The following AREL1 variants were observed in gnomAD, a reference collection of about 807,000 sequenced individuals.
The protein encoded by AREL1 is apoptosis resistant E3 ubiquitin protein ligase 1, also known as apoptosis-resistant E3 ubiquitin protein ligase 1.
In AREL1, 62 loss-of-function variants were observed where a neutral mutation model predicts 99.0. That is an observed-to-expected ratio of 0.63 (90% CI 0.51 to 0.77). AREL1 has a LOEUF of 0.77. AREL1 is among the 30% of genes least tolerant of loss of function. The pLI is 0.00. For synonymous variants in AREL1, 380 were observed against 376.5 expected (o/e 1.01, Z -0.11); for missense variants, 879 against 1,027.6 (o/e 0.86, Z 1.98).
chr14:74,676,229 G>T lies in AREL1; in HGVS notation c.744C>A (p.Thr248=). 6.2e-7 allele frequency: 1 copy of T among 1,614,076 alleles called. No homozygotes were observed. Among genetic ancestry groups the T allele is most frequent in the South Asian group, 1.1e-5 (1 of 91,072 alleles). Residue 248 remains threonine, a synonymous_variant, in exon 7 of 20, where the codon ACC becomes ACA. Coordinates refer to ENST00000356357, the MANE Select transcript of AREL1 (RefSeq NM_001039479.2). The part of the protein sequence containing the change: ...RQTFQVFLRL[T]LHSRGCFHAC... ...CATGGAAGCAGCCTCGAGAATGCAG[G>T]GTGAGTCGCAAGAACACCTGGAAAG...
intron 6 of AREL1, 109 bp downstream of exon 6, chr14:74,676,474 A>G: frequency 6.9e-7 from 1 of 1,439,170 alleles, no homozygotes; most frequent in Non-Finnish European, 9.5e-7. Flanking sequence ...TACAGACAGC[A>G]CAGAAGTCAA....
rs773540091 is a variant in AREL1 at position 74,676,744 on chromosome 14, C to G, written c.490G>C (p.Val164Leu). 1 of 1,593,128 alleles carries G rather than the reference C, an allele frequency of 6.3e-7. No individual in the cohort carries two copies. The highest frequency in any genetic ancestry group is 1.8e-5 in the Admixed American group (1 of 56,376). The change falls in exon 6 of 20, where the codon GTT becomes CTT. Residue 164 changes from valine to leucine, a missense_variant. Transcript: ENST00000356357. ...CACACAATTTTGGTCTTAGAAGGAA[C>G]CACCATTCCTGGAACAAAGACAATG... Reference protein sequence around the residue: ...YYKIFQPGMVVPSKTKIVCHF... With the variant: ...YYKIFQPGMVLPSKTKIVCHF...
At chr14:74,694,384 T>G (rs2089940537) in intron 1 of AREL1, among the ~76,000 whole-genome samples, 1 of 152,108 alleles carries the variant, frequency 6.6e-6, no homozygotes, top group African/African-American at 2.4e-5. Context: ...AGGGAAATGC[T>G]TACAAATAAA....
chr14:74,679,099 T>C (rs2089566880), intron 5 of AREL1, among the ~76,000 whole-genome samples: 2 of 152,176 alleles, frequency 1.3e-5, no homozygotes, highest in Admixed American at 1.3e-4. Context: ...GAGGTCTCAC[T>C]ATGTTGCCCA....
intron 1 of AREL1, among the ~76,000 whole-genome samples, chr14:74,712,321 T>A (rs2090327889): frequency 6.6e-6 from 1 of 151,982 alleles, no homozygotes; most frequent in African/African-American, 2.4e-5. Flanking sequence ...GGCTTCAGAG[T>A]CCACCAATCT....
chr14:74,664,042 A>G lies in AREL1; in HGVS notation c.2226T>C (p.Ser742=), dbSNP rs748325871. 18 of 1,613,936 alleles carry G rather than the reference A, an allele frequency of 1.1e-5. No homozygotes were observed. Among genetic ancestry groups the G allele is most frequent in the Non-Finnish European group, 1.5e-5 (18 of 1,179,976 alleles). The change falls in exon 19 of 20, where the codon AGT becomes AGC. Residue 742 remains serine, a synonymous_variant. Transcript: ENST00000356357. ...GCCGAGCCAACTCCTCCTGGGTCAG[A>G]CTGGAAACCACAGTCCAAAACCACC... The part of the protein sequence containing the change: ...VMRWFWTVVS[S]LTQEELARLL...
Position 74,671,597 on chromosome 14 carries a change from A to G in AREL1, c.1423-114T>C, listed in dbSNP as rs141764128. 5.1e-5 allele frequency: 29 copies of G among 572,770 alleles called. No homozygotes were observed. The African/African-American group carries it at 5.3e-4, about 10-fold the overall frequency. The allele number at this position is 572,770 out of a possible 1,614,324, so 35.5% of individuals were successfully genotyped here. On this transcript the variant is annotated intron_variant, in intron 11 of 19. Coordinates refer to ENST00000356357, the MANE Select transcript of AREL1 (RefSeq NM_001039479.2). ...TGCTGGACTAACTACGACTGCCTGA[A>G]GGAGATATGTTACTCATAAACAAGC...
rs148443518 is a variant in AREL1, at chr14:74,663,301, A to C, written c.*419T>G. On this transcript the variant is annotated 3_prime_UTR_variant, in exon 20 of 20. Coordinates refer to ENST00000356357, the MANE Select transcript of AREL1 (RefSeq NM_001039479.2). ...AAGGACTCAAGTACCAGTCTGGTCAAGTAGTGAGGGCCAAAGAGGGTGTCT... is the reference window on the plus strand; with the variant it reads ...AAGGACTCAAGTACCAGTCTGGTCACGTAGTGAGGGCCAAAGAGGGTGTCT... 3.8e-4 allele frequency: 96 copies of C among 252,310 alleles called. No individual in the cohort carries two copies. Among genetic ancestry groups the C allele is most frequent in the Non-Finnish European group, 5.9e-4 (74 of 125,442 alleles). The allele number at this position is 252,310 out of a possible 1,614,324, so 15.6% of individuals were successfully genotyped here.
intron 5 of AREL1, among the ~76,000 whole-genome samples, chr14:74,677,460 C>T (rs2089513094): frequency 6.7e-6 from 1 of 149,614 alleles, no homozygotes; most frequent in Non-Finnish European, 1.5e-5. Context: ...CACACCATTG[C>T]ATTCTAGCCT....
rs1022643276 is a variant in AREL1, at chr14:74,663,068, T to C, written c.*652A>G. 1.2e-5 allele frequency: 2 copies of C among 161,042 alleles called. No homozygotes were observed. Among genetic ancestry groups the C allele is most frequent in the African/African-American group, 4.8e-5 (2 of 41,794 alleles). The allele number at this position is 161,042 out of a possible 1,614,324, so 10.0% of individuals were successfully genotyped here. On this transcript the variant is annotated 3_prime_UTR_variant, in exon 20 of 20. Transcript: ENST00000356357. ...TACAGAGTTCTTCTTTGTGGATTAA[T>C]AATCATTTCCAGAAATGCCCGAAGG... is the stretch of plus-strand genomic sequence containing the variant.
intron 12 of AREL1, among the ~76,000 whole-genome samples, 158 bp downstream of exon 12, chr14:74,671,250 G>A (rs572245471): frequency 2.0e-5 from 3 of 147,270 alleles, no homozygotes; most frequent in Admixed American, 6.8e-5. Flanking sequence ...CTTGACTCAT[G>A]GTTCCCTTTT....
At chr14:74,684,218 A>T (rs2089696805) in intron 4 of AREL1, among the ~76,000 whole-genome samples, 1 of 152,208 alleles carries the variant, frequency 6.6e-6, no homozygotes, top group South Asian at 2.1e-4. Flanking sequence ...TCTTTTCTGT[A>T]ATATTTTTCT....
intron 1 of AREL1, among the ~76,000 whole-genome samples, chr14:74,699,430 A>G (rs2090042364): frequency 6.6e-6 from 1 of 151,744 alleles, no homozygotes; most frequent in South Asian, 2.1e-4. Flanking sequence ...ACAGCACACA[A>G]GCGAGAGAGC....
chr14:74,692,862 C>T (rs1256099940), intron 1 of AREL1, among the ~76,000 whole-genome samples: 1 of 152,054 alleles, frequency 6.6e-6, no homozygotes, highest in African/African-American at 2.4e-5. Context: ...CACTACCACA[C>T]CTGGCTAATT....
At position 74,661,327 on chromosome 14, in the gene AREL1, C is replaced by T. The variant is rs1174156174; in HGVS notation, c.*2393G>A. 2.2e-6 allele frequency: 1 copy of T among 456,300 alleles called. No individual in the cohort carries two copies. The highest frequency in any genetic ancestry group is 6.9e-5 in the East Asian group (1 of 14,402). 28.3% of individuals were successfully genotyped at this position (456,300 alleles called of 1,614,324 possible). On this transcript the variant is annotated 3_prime_UTR_variant, in exon 20 of 20. Transcript: ENST00000356357. ...CAGCTGCAACTGCCTGGCCCTTTCA[C>T]CTGGCCTGACGAATCTGCAGCAGGG...
Position 74,667,575 on chromosome 14 carries a change from C to T in AREL1, c.1934G>A (p.Gly645Asp). 3 of 1,612,734 alleles carry T rather than the reference C, an allele frequency of 1.9e-6. No homozygotes were observed. The highest frequency in any genetic ancestry group is 2.5e-6 in the Non-Finnish European group (3 of 1,179,298). The change falls in exon 16 of 20, where the codon GGT becomes GAT. Residue 645 changes from glycine to aspartate, a missense_variant. Transcript: ENST00000356357. ...ATTGGTGACTGGAGTTTGAGCTCCA[C>T]CTGTCATGAGTTCTACAACCTGTAA... The part of the protein sequence containing the change: ...QLDKVVELMT[G>D]GAQTPVTNAN...
At chr14:74,670,580 A>T in intron 13 of AREL1, 182 bp downstream of exon 13, 1 of 562,212 alleles carries the variant, frequency 1.8e-6, no homozygotes, top group African/African-American at 1.9e-5. Context: ...TGCTTATTTT[A>T]CAGATGAAAT....
intron 5 of AREL1, among the ~76,000 whole-genome samples, chr14:74,681,456 G>A (rs911604928): frequency 2.0e-5 from 3 of 149,776 alleles, no homozygotes; most frequent in Non-Finnish European, 3.0e-5. Context: ...GAATAGATTC[G>A]TGGGTTGCCA....
intron 9 of AREL1, among the ~76,000 whole-genome samples, chr14:74,673,727 G>A (rs2139881743): frequency 6.6e-6 from 1 of 152,340 alleles, no homozygotes; most frequent in South Asian, 2.1e-4. Context: ...AGCACACTGG[G>A]AGACCAAGCT....
Sources: allele counts gnomAD v4.1 joint callset (sites outside exome capture counted in the v4.1 genomes callset), GRCh38; gene constraint gnomAD v4.1.1; transcripts MANE v1.5; gene names NCBI Gene and HGNC (gene_info 2026-07-23, HGNC 2026-07-21).